NSRP1: variants seen among roughly 807,000 people sequenced by gnomAD.
NSRP1 encodes coiled-coil domain containing 55.
A neutral mutation model predicts 54.7 loss-of-function variants in NSRP1; 24 were observed. The ratio of observed to expected loss-of-function variants is 0.44; its 90% confidence interval spans 0.32 to 0.62. The LOEUF is 0.62. Among genes scored for constraint, NSRP1 ranks in the 20% least tolerant of loss-of-function variants. The probability of loss-of-function intolerance (pLI) is 0.06; values close to 1 mark genes in which losing one functional copy is unlikely to be tolerated. For missense variants in NSRP1, 596 were observed against 651.2 expected, an observed-to-expected ratio of 0.92 and a Z score of 0.92; for synonymous variants, 210 against 213.8, an observed-to-expected ratio of 0.98 and a Z score of 0.15.
intron 2 of NSRP1, among the ~76,000 whole-genome samples, chr17:30,138,918 T>G (rs1037615504): frequency 2.3e-5 from 3 of 131,452 alleles, no homozygotes; most frequent in Non-Finnish European, 4.9e-5. Flanking sequence ...CGTTTTTTTT[T>G]TTTTTTTTTT....
intron 2 of NSRP1, among the ~76,000 whole-genome samples, chr17:30,123,694 C>G (rs2071624600): frequency 6.6e-6 from 1 of 151,768 alleles, no homozygotes; most frequent in Non-Finnish European, 1.5e-5. Context: ...TGTTTTAGTC[C>G]TTGAGTTTAG....
chr17:30,133,633 G>A lies in NSRP1; in HGVS notation c.114+15460G>A, dbSNP rs576289774. On this transcript the variant is annotated intron_variant, in intron 2 of 6. Coordinates refer to ENST00000247026, the MANE Select transcript of NSRP1 (RefSeq NM_032141.4). ...GAAGCCAAGCGTTGACTTCTCTTGG[G>A]CTTTGAAAGTCCTAGATGGCATCTT... Among the ~76,000 whole-genome samples, 3 of 152,284 alleles carry A rather than the reference G, an allele frequency of 2.0e-5. No individual in the cohort carries two copies. In the South Asian group the frequency reaches 6.2e-4, roughly 32 times the overall value.
intron 2 of NSRP1, chr17:30,163,046 A>G (rs1393594347): frequency 6.8e-6 from 1 of 147,740 alleles, no homozygotes; most frequent in Non-Finnish European, 1.5e-5. Context: ...TGCCTGGCTA[A>G]TTTTTTTTTT....
At chr17:30,126,717 A>G (rs1256309052) in intron 2 of NSRP1, among the ~76,000 whole-genome samples, 2 of 152,146 alleles carry the variant, frequency 1.3e-5, no homozygotes, top group African/African-American at 4.8e-5. Flanking sequence ...CCTCCTGAGT[A>G]GCTGGGACCA....
intron 2 of NSRP1, among the ~76,000 whole-genome samples, chr17:30,134,069 A>G (rs1362494295): frequency 1.3e-5 from 2 of 152,218 alleles, no homozygotes; most frequent in Non-Finnish European, 2.9e-5. Context: ...CTTAAAGGCC[A>G]TTGTAGGGTT....
At chr17:30,133,704 A>G (rs912138188) in intron 2 of NSRP1, among the ~76,000 whole-genome samples, 1 of 152,146 alleles carries the variant, frequency 6.6e-6, no homozygotes, top group Non-Finnish European at 1.5e-5. Flanking sequence ...TCTGTTGTTT[A>G]TTGTAGCCAC....
At chr17:30,179,775 T>C (rs1352063186) in intron 5 of NSRP1, among the ~76,000 whole-genome samples, 1 of 152,216 alleles carries the variant, frequency 6.6e-6, no homozygotes, top group Non-Finnish European at 1.5e-5. Context: ...AAGAATATCT[T>C]AATGCTTTAC....
chr17:30,152,232 C>T (rs934701493), intron 2 of NSRP1, among the ~76,000 whole-genome samples: 2 of 151,808 alleles, frequency 1.3e-5, no homozygotes, highest in Non-Finnish European at 2.9e-5. Flanking sequence ...AAGCGATTCT[C>T]CTGCCTCAGT....
At chr17:30,164,612 C>G (rs977449432) in intron 2 of NSRP1, among the ~76,000 whole-genome samples, 5 of 151,908 alleles carry the variant, frequency 3.3e-5, no homozygotes, top group Non-Finnish European at 7.4e-5. Flanking sequence ...GCCTGGGCAA[C>G]AAAGCAAGAC....
At position 30,184,969 on chromosome 17, in the gene NSRP1, A is replaced by G. The variant is rs778288683; in HGVS notation, c.972A>G (p.Gln324=). 6.2e-6 allele frequency: 10 copies of G among 1,614,150 alleles called. No homozygotes were observed. Among genetic ancestry groups the G allele is most frequent in the East Asian group, 2.2e-5 (1 of 44,876 alleles). Residue 324 remains glutamine (Q), a synonymous_variant, in exon 7 of 7, where the codon CAA becomes CAG. Coordinates refer to ENST00000247026, the MANE Select transcript of NSRP1 (RefSeq NM_032141.4). ...EKREDQHQQK[Q]SRDQENHYTD... ...GGGAAGATCAGCACCAGCAGAAGCAATCCAGAGACCAAGAGAACCATTACA... is the reference window on the plus strand; with the variant it reads ...GGGAAGATCAGCACCAGCAGAAGCAGTCCAGAGACCAAGAGAACCATTACA...
intron 2 of NSRP1, among the ~76,000 whole-genome samples, chr17:30,166,851 G>A (rs370240155): frequency 2.6e-5 from 4 of 152,072 alleles, no homozygotes; most frequent in Non-Finnish European, 5.9e-5. Context: ...GCTTGAACCC[G>A]GGAGGCAGAG....
At chr17:30,132,923 G>A (rs2071714464) in intron 2 of NSRP1, among the ~76,000 whole-genome samples, 1 of 152,184 alleles carries the variant, frequency 6.6e-6, no homozygotes, top group South Asian at 2.1e-4. Flanking sequence ...GTCTGTGGAA[G>A]CTGTAGAGTT....
intron 5 of NSRP1, 47 bp from the exon 6 acceptor site, chr17:30,180,861 A>G (rs1374119919): frequency 1.7e-6 from 2 of 1,145,652 alleles, no homozygotes; most frequent in Non-Finnish European, 2.6e-6. Context: ...ATGAAACTGC[A>G]CTGTGCCTTA....
Position 30,179,130 on chromosome 17 carries a change from GA to G in NSRP1, c.347del (p.Lys116ArgfsTer29). The G allele has an allele frequency of 3.1e-6, 5 of 1,598,728 alleles. No individual in the cohort carries two copies. The highest frequency in any genetic ancestry group is 1.7e-5 in the Admixed American group (1 of 58,572). ...IHNLLKAVEIRKKEQEKRMEK... is the reference protein window; with the variant it reads ...IHNLLKAVEIXKKEQEKRMEK... Reference sequence around the variant, plus strand: ...AACTTGCTAAAAGCAGTTGAGATCAGAAAAAAGGAACAGGAAAAAAGAATGG... The same window carrying G: ...AACTTGCTAAAAGCAGTTGAGATCAGAAAAAGGAACAGGAAAAAAGAATGG... On this transcript the variant is annotated frameshift_variant, in exon 5 of 7. Coordinates refer to ENST00000247026, the MANE Select transcript of NSRP1 (RefSeq NM_032141.4). LOFTEE classifies it high-confidence loss of function.
chr17:30,118,184 C>T lies in NSRP1; in HGVS notation c.114+11C>T. 1 of 1,597,692 alleles carries T rather than the reference C, an allele frequency of 6.3e-7. No homozygotes were observed. ...GATGATGATGATGAGGTAAGGAAAC[C>T]TATGTTTTACTCGTGCATGGTTGGA... is the stretch of plus-strand genomic sequence containing the variant. On this transcript the variant is annotated intron_variant, in intron 2 of 6. Coordinates refer to ENST00000247026, the MANE Select transcript of NSRP1 (RefSeq NM_032141.4).
At position 30,186,176 on chromosome 17, in the gene NSRP1, G is replaced by C. The variant is rs1265366560; in HGVS notation, c.*502G>C. On this transcript the variant is annotated 3_prime_UTR_variant, in exon 7 of 7. Transcript: ENST00000247026. ...GCTGTTCGAGAGGCTGAGGCAAGAAGATCACTTGAGCCTAGGAATTTGATG... is the reference window on the plus strand; with the variant it reads ...GCTGTTCGAGAGGCTGAGGCAAGAACATCACTTGAGCCTAGGAATTTGATG... The C allele has an allele frequency of 6.6e-6, 1 of 152,202 alleles. No individual in the cohort carries two copies. The highest frequency in any genetic ancestry group is 2.4e-5 in the African/African-American group (1 of 41,424). 9.4% of individuals were successfully genotyped at this position (152,202 alleles called of 1,614,324 possible). A position where few individuals can be genotyped will look rare whatever the true frequency, so the allele number is the denominator to read the frequency against.
intron 6 of NSRP1, among the ~76,000 whole-genome samples, chr17:30,183,551 G>C (rs1426097698): frequency 6.6e-6 from 1 of 152,192 alleles, no homozygotes; most frequent in Non-Finnish European, 1.5e-5. Flanking sequence ...ATTCCTAACT[G>C]TTAGTGGGTC....
intron 2 of NSRP1, among the ~76,000 whole-genome samples, chr17:30,169,625 A>G (rs774706941): frequency 1.3e-5 from 2 of 152,088 alleles, no homozygotes; most frequent in Non-Finnish European, 2.9e-5. Flanking sequence ...GTAATACACA[A>G]CTAGTATACT....
At chr17:30,176,092 T>G (rs184201347) in intron 3 of NSRP1, among the ~76,000 whole-genome samples, 117 of 136,950 alleles carry the variant, frequency 8.5e-4, no homozygotes, top group African/African-American at 2.5e-3. Flanking sequence ...ACTGTTTTTT[T>G]TTGTTGTTGT....
Sources: allele counts gnomAD v4.1 joint callset (sites outside exome capture counted in the v4.1 genomes callset), GRCh38; gene constraint gnomAD v4.1.1; transcripts MANE v1.5; gene names NCBI Gene and HGNC (gene_info 2026-07-23, HGNC 2026-07-21).